Variants in DENND2C observed in about 807,000 individuals in gnomAD.
The protein encoded by DENND2C is DENN domain-containing protein 2C.
A neutral mutation model predicts 112.4 loss-of-function variants in DENND2C; 72 were observed. The ratio of observed to expected loss-of-function variants is 0.64; its 90% confidence interval spans 0.53 to 0.78. The LOEUF is 0.78. Among genes scored for constraint, DENND2C ranks in the 30% least tolerant of loss-of-function variants. The pLI is 0.00. For synonymous variants in DENND2C, 329 were observed against 381.6 expected, an observed-to-expected ratio of 0.86 and a Z score of 1.61; for missense variants, 992 against 1,113.8, an observed-to-expected ratio of 0.89 and a Z score of 1.56.
chr1:114,622,451 A>C (rs1204262004), intron 6 of DENND2C, among the ~76,000 whole-genome samples: 1 of 152,180 alleles, frequency 6.6e-6, no homozygotes, highest in East Asian at 1.9e-4. Flanking sequence ...TATCATACAA[A>C]GTCAAAGCTA....
chr1:114,668,553 A>ACACC (rs372707000), intron 1 of DENND2C, among the ~76,000 whole-genome samples: 398 of 148,708 alleles, frequency 2.7e-3, no homozygotes, highest in African/African-American at 9.0e-3. Flanking sequence ...ACACACACAC[A>ACACC]CCCCAACTAA....
At chr1:114,587,555 G>T in intron 19 of DENND2C, 82 bp from the exon 20 acceptor site, 1 of 1,517,010 alleles carries the variant, frequency 6.6e-7, no homozygotes, top group Non-Finnish European at 9.1e-7. Flanking sequence ...TATAACCAGT[G>T]TATTATTTCC....
chr1:114,623,178 A>T, intron 5 of DENND2C, 79 bp from the exon 6 acceptor site: 1 of 1,336,762 alleles, frequency 7.5e-7, no homozygotes, highest in Non-Finnish European at 1.0e-6. Flanking sequence ...AAGAAAGAAA[A>T]AGCTAACTAT....
chr1:114,636,636 C>A (rs1047299065), intron 3 of DENND2C, among the ~76,000 whole-genome samples: 1 of 152,006 alleles, frequency 6.6e-6, no homozygotes, highest in Non-Finnish European at 1.5e-5. Context: ...CTCGTCATTC[C>A]AGCCTGGGTG....
Position 114,625,516 on chromosome 1 carries a change from G to T in DENND2C, c.469C>A (p.Pro157Thr), listed in dbSNP as rs200569570. The change falls in exon 4 of 21, where the codon CCC becomes ACC. Residue 157 changes from proline to threonine, a missense_variant. Around this residue, in one of 3 missense-constraint regions of DENND2C, gnomAD observed 470 missense variants for 472.7 expected, o/e 0.99. Transcript: ENST00000393274. ...GCCAAATTTAAGAGTTTATCTGGGG[G>T]AAGTGCTTCTATTTTCTTCCACAGT... ...QILWKKIEAL[P>T]PDKLLNLALE... The T allele has an allele frequency of 2.7e-5, 44 of 1,614,068 alleles. No individual in the cohort carries two copies. The Middle Eastern group carries it at 4.9e-4, about 18-fold the overall frequency.
intron 3 of DENND2C, among the ~76,000 whole-genome samples, chr1:114,641,260 C>CAAAAA (rs11316853): frequency 2.0e-5 from 2 of 99,006 alleles, no homozygotes; most frequent in Middle Eastern, 4.6e-3. Context: ...GATCCTTTCT[C>CAAAAA]AAAAAAAAAA....
At position 114,623,069 on chromosome 1, in the gene DENND2C, A is replaced by G; in HGVS notation, c.974T>C (p.Ile325Thr). The G allele has an allele frequency of 1.2e-6, 2 of 1,611,446 alleles. No individual in the cohort carries two copies. The highest frequency in any genetic ancestry group is 1.7e-6 in the Non-Finnish European group (2 of 1,178,818). The change falls in exon 6 of 21, where the codon ATT (isoleucine) becomes ACT (threonine). Residue 325 changes from isoleucine to threonine, a missense_variant. Physicochemically the swap from Ile to Thr is moderately conservative, Grantham distance 89. Transcript: ENST00000393274. The part of the protein sequence containing the change: ...YPTKENPYED[I>T]PVQPLPMWRS... The stretch of plus-strand genomic sequence containing the variant: ...CCACATAGGTAAAGGCTGCACTGGA[A>G]TATCTTCATATGGATTTTCTTTGGT...
chr1:114,639,583 G>GA (rs11346651), intron 3 of DENND2C, among the ~76,000 whole-genome samples: 84 of 130,032 alleles, frequency 6.5e-4, no homozygotes, highest in African/African-American at 1.4e-3. Flanking sequence ...ACTCCATCTT[G>GA]AAAAAAAAAA....
intron 2 of DENND2C, among the ~76,000 whole-genome samples, chr1:114,646,397 T>C (rs1237801080): frequency 1.3e-5 from 2 of 152,238 alleles, no homozygotes; most frequent in African/African-American, 2.4e-5. Context: ...CTTTAAAAAA[T>C]ACTTTTCCAT....
At chr1:114,650,508 C>CAA (rs749266801) in intron 2 of DENND2C, among the ~76,000 whole-genome samples, 2 of 122,072 alleles carry the variant, frequency 1.6e-5, no homozygotes, top group African/African-American at 3.0e-5. Flanking sequence ...ACTAAAAATA[C>CAA]AAAAAAAAAA....
In DENND2C at chr1:114,587,931, A is replaced by G. The variant is rs1557936554; in HGVS notation, c.2453T>C (p.Val818Ala). 6.2e-7 allele frequency: 1 copy of G among 1,614,038 alleles called. No individual in the cohort carries two copies. Among genetic ancestry groups the G allele is most frequent in the Non-Finnish European group, 8.5e-7 (1 of 1,180,040 alleles). Reference sequence around the variant, plus strand: ...AAAAAACCTGACAAATGCTTCGGACACCAGAGAGTTGAGTGTCACATCTGC... The same window carrying G: ...AAAAAACCTGACAAATGCTTCGGACGCCAGAGAGTTGAGTGTCACATCTGC... Reference protein sequence around the residue: ...FSQDVTLNSLVSEAFVRFFVE... With the variant: ...FSQDVTLNSLASEAFVRFFVE... The change falls in exon 19 of 21, where the codon GTG becomes GCG. Residue 818 changes from valine to alanine, a missense_variant. Coordinates refer to ENST00000393274, the MANE Select transcript of DENND2C (RefSeq NM_001256404.2).
intron 3 of DENND2C, among the ~76,000 whole-genome samples, 171 bp downstream of exon 3, chr1:114,645,277 A>T (rs904538774): frequency 2.6e-5 from 4 of 152,138 alleles, no homozygotes; most frequent in Non-Finnish European, 5.9e-5. Context: ...GTCTCTTGAG[A>T]GGTAATTAAG....
chr1:114,639,352 C>A (rs376236299), intron 3 of DENND2C, among the ~76,000 whole-genome samples: 2 of 151,914 alleles, frequency 1.3e-5, no homozygotes, highest in South Asian at 2.1e-4. Context: ...AGGCTGAGGC[C>A]GGTAGATCAC....
At chr1:114,660,972 A>T (rs1251791105) in intron 1 of DENND2C, among the ~76,000 whole-genome samples, 1 of 152,034 alleles carries the variant, frequency 6.6e-6, no homozygotes, top group East Asian at 1.9e-4. Context: ...TCAGCCGGGC[A>T]TGGTGGCTCG....
Position 114,626,164 on chromosome 1 carries a change from G to A in DENND2C, c.-180C>T. 1.8e-6 allele frequency: 1 copy of A among 571,244 alleles called. No homozygotes were observed. Among genetic ancestry groups the A allele is most frequent in the Non-Finnish European group, 3.0e-6 (1 of 335,294 alleles). The allele number at this position is 571,244 out of a possible 1,614,324, so 35.4% of individuals were successfully genotyped here. On this transcript the variant is annotated 5_prime_UTR_variant, in exon 4 of 21. Transcript: ENST00000393274. ...TTGATCAGTGATCCTTGTTGAAAAT[G>A]GCTACAACCTGATCTTGAATAATCC...
intron 3 of DENND2C, among the ~76,000 whole-genome samples, chr1:114,632,041 G>A (rs1656504435): frequency 6.6e-6 from 1 of 152,114 alleles, no homozygotes; most frequent in African/African-American, 2.4e-5. Context: ...GATTTTAGTT[G>A]TTTTAGAAGG....
At chr1:114,631,557 G>A (rs1045757836) in intron 3 of DENND2C, among the ~76,000 whole-genome samples, 2 of 152,048 alleles carry the variant, frequency 1.3e-5, no homozygotes, top group African/African-American at 4.8e-5. Context: ...GCCAAGGCAG[G>A]CGGATCATGA....
At position 114,600,008 on chromosome 1, in the gene DENND2C, A is replaced by T. The variant is rs540722531; in HGVS notation, c.2105+196T>A. 2.2e-3 allele frequency among the ~76,000 whole-genome samples: 331 copies of T among 152,210 alleles called. 6 individuals carry two copies. The South Asian group carries it at 0.024, about 11-fold the overall frequency. ...GGGGAGGGCTAGCATTAGGAGAAATACCTAATGTAAATGACGAGTTAATGG... is the reference window on the plus strand; with the variant it reads ...GGGGAGGGCTAGCATTAGGAGAAATTCCTAATGTAAATGACGAGTTAATGG... On this transcript the variant is annotated intron_variant, in intron 15 of 20. Transcript: ENST00000393274.
chr1:114,597,157 G>A (rs1655363046), intron 16 of DENND2C, among the ~76,000 whole-genome samples: 1 of 152,070 alleles, frequency 6.6e-6, no homozygotes, highest in Admixed American at 6.6e-5. Flanking sequence ...AAAAAGACAT[G>A]TTAACGCCAG....
Sources: allele counts gnomAD v4.1 joint callset (sites outside exome capture counted in the v4.1 genomes callset), GRCh38; gene constraint gnomAD v4.1.1; regional missense constraint gnomAD v4.1.1; transcripts MANE v1.5; gene names NCBI Gene and HGNC (gene_info 2026-07-23, HGNC 2026-07-21).